Variants in ZFPM1 observed in about 807,000 individuals in gnomAD.
ZFPM1 encodes the protein zinc finger protein ZFPM1.
In ZFPM1, 28 loss-of-function variants were observed where a neutral mutation model predicts 46.3. The ratio of observed to expected loss-of-function variants is 0.60; its 90% confidence interval spans 0.45 to 0.83. The LOEUF is 0.83. ZFPM1 is among the 40% of genes least tolerant of loss of function. ZFPM1 has a pLI of 0.00. For synonymous variants in ZFPM1, 957 were observed against 675.9 expected, an observed-to-expected ratio of 1.42 and a Z score of -6.45; for missense variants, 1,878 against 1,432.4, an observed-to-expected ratio of 1.31 and a Z score of -5.02.
At chr16:88,477,257 C>T (rs930457812) in intron 1 of ZFPM1, among the ~76,000 whole-genome samples, 2 of 152,172 alleles carry the variant, frequency 1.3e-5, no homozygotes, top group Non-Finnish European at 2.9e-5. Context: ...GTGAGGGCCC[C>T]GGGTCAGCGG....
intron 3 of ZFPM1, among the ~76,000 whole-genome samples, chr16:88,511,282 G>A (rs1349360797): frequency 3.9e-5 from 6 of 152,062 alleles, no homozygotes; most frequent in East Asian, 1.9e-4. Flanking sequence ...GTTTTGTGGC[G>A]GGACAAGCAC....
chr16:88,510,398 C>T (rs1910889658), intron 3 of ZFPM1, among the ~76,000 whole-genome samples: 1 of 152,248 alleles, frequency 6.6e-6, no homozygotes, highest in South Asian at 2.1e-4. Context: ...TCCCCCACTG[C>T]TTCCATCCCC....
chr16:88,507,216 C>T (rs902810001), intron 3 of ZFPM1, among the ~76,000 whole-genome samples: 2 of 152,146 alleles, frequency 1.3e-5, no homozygotes, highest in Non-Finnish European at 2.9e-5. Context: ...TCCGACGTGG[C>T]CCCCAGCTTC....
chr16:88,474,418 A>C (rs1483711042), intron 1 of ZFPM1, among the ~76,000 whole-genome samples: 1 of 152,118 alleles, frequency 6.6e-6, no homozygotes, highest in South Asian at 2.1e-4. Flanking sequence ...CAGGGACCCT[A>C]CCACAGTCTG....
At chr16:88,484,183 A>T (rs1909092322) in intron 1 of ZFPM1, among the ~76,000 whole-genome samples, 1 of 152,220 alleles carries the variant, frequency 6.6e-6, no homozygotes, top group South Asian at 2.1e-4. Flanking sequence ...AGCTGGGCAC[A>T]TGTGGGCGCT....
intron 1 of ZFPM1, among the ~76,000 whole-genome samples, chr16:88,458,084 A>G (rs1330182514): frequency 7.2e-5 from 11 of 152,200 alleles, no homozygotes. Flanking sequence ...CATCTGGGGA[A>G]ACTGAAGCAC....
intron 1 of ZFPM1, among the ~76,000 whole-genome samples, chr16:88,478,240 A>C (rs1014899254): frequency 4.6e-5 from 7 of 152,208 alleles, no homozygotes; most frequent in Non-Finnish European, 7.3e-5. Flanking sequence ...AGGTTCAGCC[A>C]CGTGCTCCTG....
At chr16:88,475,517 G>C (rs890966540) in intron 1 of ZFPM1, among the ~76,000 whole-genome samples, 3 of 151,930 alleles carry the variant, frequency 2.0e-5, no homozygotes, top group Middle Eastern at 3.2e-3. Context: ...GGGGTCCGGG[G>C]GGGGGAGCAC....
chr16:88,516,913 C>T (rs909028034), intron 4 of ZFPM1, among the ~76,000 whole-genome samples: 1 of 152,154 alleles, frequency 6.6e-6, no homozygotes, highest in Non-Finnish European at 1.5e-5. Flanking sequence ...GCTTCCCCCT[C>T]GGTTCCCCAC....
intron 2 of ZFPM1, among the ~76,000 whole-genome samples, chr16:88,488,108 G>A (rs913198588): frequency 1.3e-5 from 2 of 152,208 alleles, no homozygotes; most frequent in African/African-American, 4.8e-5. Flanking sequence ...TAGCACATGT[G>A]GACTCCGAGG....
At chr16:88,516,941 G>A (rs1383936563) in intron 4 of ZFPM1, among the ~76,000 whole-genome samples, 6 of 152,126 alleles carry the variant, frequency 3.9e-5, no homozygotes, top group African/African-American at 9.7e-5. Context: ...CATGGGGGGC[G>A]GGCACCCACA....
chr16:88,460,183 G>C (rs2142338814), intron 1 of ZFPM1, among the ~76,000 whole-genome samples: 1 of 152,294 alleles, frequency 6.6e-6, no homozygotes, highest in East Asian at 1.9e-4. Flanking sequence ...CCCGGCTCTG[G>C]GAGGGTCTGG....
chr16:88,483,571 T>C (rs1909061878), intron 1 of ZFPM1, among the ~76,000 whole-genome samples: 1 of 152,144 alleles, frequency 6.6e-6, no homozygotes, highest in South Asian at 2.1e-4. Flanking sequence ...TTTTCTGTCT[T>C]TCTCTCATGG....
In ZFPM1 at chr16:88,471,765, C is replaced by T. The variant is rs1412225510; in HGVS notation, c.41-14174C>T. On this transcript the variant is annotated intron_variant, in intron 1 of 9. Transcript: ENST00000319555. This position sits in a 1 kb window ranked among gnomAD's most constrained non-coding sequence, Gnocchi z 4.1. ...ACCACTTACTCACACTGGGATCTGC[C>T]ACAGACACCTGAGCCTGTGACTAAG... Among the ~76,000 whole-genome samples the T allele has an allele frequency of 2.0e-5, 3 of 152,266 alleles. No homozygotes were observed. Among genetic ancestry groups the T allele is most frequent in the Non-Finnish European group, 4.4e-5 (3 of 68,048 alleles).
intron 1 of ZFPM1, among the ~76,000 whole-genome samples, chr16:88,467,084 C>T (rs904988156): frequency 2.0e-5 from 3 of 152,296 alleles, no homozygotes; most frequent in Admixed American, 1.3e-4. Context: ...TCTTCCTGCA[C>T]GGTTTTCCGC....
At chr16:88,526,425 G>A (rs905013518) in intron 4 of ZFPM1, among the ~76,000 whole-genome samples, 6 of 151,266 alleles carry the variant, frequency 4.0e-5, no homozygotes, top group South Asian at 4.2e-4. Flanking sequence ...CACTCTGGGG[G>A]CAAGGGTGGG....
At chr16:88,532,549 C>T (rs1016593740) in intron 7 of ZFPM1, 65 bp from the exon 8 acceptor site, 7 of 1,504,852 alleles carry the variant, frequency 4.7e-6, no homozygotes, top group Non-Finnish European at 6.3e-6. Flanking sequence ...CAGTCGCCTT[C>T]CTCATCCCTG....
intron 1 of ZFPM1, among the ~76,000 whole-genome samples, chr16:88,473,561 C>A (rs1375754487): frequency 6.6e-6 from 1 of 151,952 alleles, no homozygotes. Context: ...CGGGCCCATC[C>A]TGGGGGACCC....
At position 88,532,943 on chromosome 16, in the gene ZFPM1, GCC is replaced by G. The variant is rs1912914305; in HGVS notation, c.1189+10_1189+11del. 7 of 1,612,692 alleles carry G rather than the reference GCC, an allele frequency of 4.3e-6. No individual in the cohort carries two copies. The highest frequency in any genetic ancestry group is 5.1e-6 in the Non-Finnish European group (6 of 1,179,888). On this transcript the variant is annotated intron_variant, in intron 9 of 9. Coordinates refer to ENST00000319555, the MANE Select transcript of ZFPM1 (RefSeq NM_153813.3). Reference sequence around the variant, plus strand: ...CAACCAAGCTGCCCCCAGGTGAGCAGCCCTGTGGGGGCCACCCCTGCCCCTTA... The same window carrying G: ...CAACCAAGCTGCCCCCAGGTGAGCAGCTGTGGGGGCCACCCCTGCCCCTTA...
Sources: allele counts gnomAD v4.1 joint callset (sites outside exome capture counted in the v4.1 genomes callset), GRCh38; gene constraint gnomAD v4.1.1; non-coding constraint Gnocchi (gnomAD v3.1); transcripts MANE v1.5; gene names NCBI Gene and HGNC (gene_info 2026-07-23, HGNC 2026-07-21).